The following MEX3B variants were observed in gnomAD, a reference collection of about 807,000 sequenced individuals.
The protein encoded by MEX3B is RNA-binding protein MEX3B.
In MEX3B, 10 loss-of-function variants were observed where a neutral mutation model predicts 12.2. That is an observed-to-expected ratio of 0.82 (90% CI 0.51 to 1.40). MEX3B has a LOEUF of 1.40. MEX3B is among the 40% of genes most tolerant of loss of function. The probability of loss-of-function intolerance (pLI) is 0.00; values close to 1 mark genes in which losing one functional copy is unlikely to be tolerated. For missense variants in MEX3B, 839 were observed against 801.4 expected (o/e 1.05, Z -0.57); for synonymous variants, 498 against 356.3 (o/e 1.40, Z -4.48).
Position 82,043,116 on chromosome 15 carries a change from C to T in MEX3B, c.*44G>A, listed in dbSNP as rs746291380. The T allele has an allele frequency of 2.1e-6, 3 of 1,427,574 alleles. No homozygotes were observed. The highest frequency in any genetic ancestry group is 2.9e-5 in the African/African-American group (2 of 68,408). The allele number at this position is 1,427,574 out of a possible 1,614,324, so 88.4% of individuals were successfully genotyped here. A position where few individuals can be genotyped will look rare whatever the true frequency, so the allele number is the denominator to read the frequency against. On this transcript the variant is annotated 3_prime_UTR_variant, in exon 2 of 2. Coordinates refer to ENST00000329713, the MANE Select transcript of MEX3B (RefSeq NM_032246.6). ...TGGGGAAAGAGGGTGGGGAGGGGTT[C>T]CCCCTTCCCCCAGCACGGTGCGCAC...
Position 82,044,694 on chromosome 15 carries a change from G to A in MEX3B, c.257-81C>T. ...TCCTGGGGTAACCGCGGGGACCGGGGACAGCCCGCGTCCAGGACAGCGAGA... is the reference window on the plus strand; with the variant it reads ...TCCTGGGGTAACCGCGGGGACCGGGAACAGCCCGCGTCCAGGACAGCGAGA... On this transcript the variant is annotated intron_variant, in intron 1 of 1. Transcript: ENST00000329713. The surrounding 1 kb of genome is among the most constrained non-coding windows in gnomAD (Gnocchi z 5.3). The A allele has an allele frequency of 7.2e-7, 1 of 1,384,788 alleles. No homozygotes were observed. The allele number at this position is 1,384,788 out of a possible 1,614,324, so 85.8% of individuals were successfully genotyped here.
In MEX3B at chr15:82,045,688, G is replaced by A. The variant is rs2141171129; in HGVS notation, c.18C>T (p.Phe6=). Reference sequence around the variant, plus strand: ...CGCTGCCGTTGCGCTCCAGGTCTGCGAACAGCGAGCTGGGCATCGCTCGGC... The same window carrying A: ...CGCTGCCGTTGCGCTCCAGGTCTGCAAACAGCGAGCTGGGCATCGCTCGGC... The part of the protein sequence containing the change: MPSSL[F]ADLERNGSGG... The change falls in exon 1 of 2, where the codon TTC becomes TTT. Residue 6 remains phenylalanine, a synonymous_variant. Coordinates refer to ENST00000329713, the MANE Select transcript of MEX3B (RefSeq NM_032246.6). 1.3e-6 allele frequency: 2 copies of A among 1,528,568 alleles called. No individual in the cohort carries two copies. The highest frequency in any genetic ancestry group is 1.8e-6 in the Non-Finnish European group (2 of 1,141,508). The allele number at this position is 1,528,568 out of a possible 1,614,324, so 94.7% of individuals were successfully genotyped here.
At position 82,042,728 on chromosome 15, in the gene MEX3B, C is replaced by T. The variant is rs187824971; in HGVS notation, c.*432G>A. ...AGGGGAACACACTAAACAGTCCACACATCCCATAGCACTACTATCATCTTC... is the reference window on the plus strand; with the variant it reads ...AGGGGAACACACTAAACAGTCCACATATCCCATAGCACTACTATCATCTTC... On this transcript the variant is annotated 3_prime_UTR_variant, in exon 2 of 2. Coordinates refer to ENST00000329713, the MANE Select transcript of MEX3B (RefSeq NM_032246.6). The T allele has an allele frequency of 6.5e-6, 1 of 154,024 alleles. No homozygotes were observed. The highest frequency in any genetic ancestry group is 1.4e-5 in the Non-Finnish European group (1 of 69,008). The allele number at this position is 154,024 out of a possible 1,614,324, so 9.5% of individuals were successfully genotyped here.
At position 82,044,829 on chromosome 15, in the gene MEX3B, T is replaced by G; in HGVS notation, c.257-216A>C. ...GCGAGGCGCTCGAGGAACAGCCCAT[T>G]GGCTGCCTGGCCCTCCCCCAGTGAC... On this transcript the variant is annotated intron_variant, in intron 1 of 1. Coordinates refer to ENST00000329713, the MANE Select transcript of MEX3B (RefSeq NM_032246.6). The surrounding 1 kb of genome is among the most constrained non-coding windows in gnomAD (Gnocchi z 5.3). The G allele has an allele frequency of 1.7e-6, 1 of 600,566 alleles. No homozygotes were observed. The highest frequency in any genetic ancestry group is 3.0e-6 in the Non-Finnish European group (1 of 338,058). 37.2% of individuals were successfully genotyped at this position (600,566 alleles called of 1,614,324 possible).
Position 82,044,656 on chromosome 15 carries a change from G to C in MEX3B, c.257-43C>G. 2 of 1,597,788 alleles carry C rather than the reference G, an allele frequency of 1.3e-6. No individual in the cohort carries two copies. The highest frequency in any genetic ancestry group is 1.7e-6 in the Non-Finnish European group (2 of 1,166,128). ...GAGGAGGGAGTGGGAGAGAGAGACAGACACGCCCATTATCCTGGGGTAACC... is the reference window on the plus strand; with the variant it reads ...GAGGAGGGAGTGGGAGAGAGAGACACACACGCCCATTATCCTGGGGTAACC... On this transcript the variant is annotated intron_variant, in intron 1 of 1. Coordinates refer to ENST00000329713, the MANE Select transcript of MEX3B (RefSeq NM_032246.6). The surrounding 1 kb of genome is among the most constrained non-coding windows in gnomAD (Gnocchi z 5.3).
At position 82,045,509 on chromosome 15, in the gene MEX3B, A is replaced by C; in HGVS notation, c.197T>G (p.Met66Arg). The C allele has an allele frequency of 6.2e-7, 1 of 1,611,814 alleles. No homozygotes were observed. The highest frequency in any genetic ancestry group is 1.3e-5 in the African/African-American group (1 of 74,584). Residue 66 changes from methionine to arginine, a missense_variant, in exon 1 of 2, where the codon ATG becomes AGG. Physicochemically the swap from Met to Arg is moderately conservative, Grantham distance 91. Around this residue, in one of 3 missense-constraint regions of MEX3B, gnomAD observed 214 missense variants for 223.8 expected, o/e 0.96. Coordinates refer to ENST00000329713, the MANE Select transcript of MEX3B (RefSeq NM_032246.6). Reference sequence around the variant, plus strand: ...ACTGGGTACTGGCACGCACTCGGTCATGTTCACGCTCTTCTTGCGCGGCTC... The same window carrying C: ...ACTGGGTACTGGCACGCACTCGGTCCTGTTCACGCTCTTCTTGCGCGGCTC... ...DSEPRKKSVNMTECVPVPSSE... is the reference protein window; with the variant it reads ...DSEPRKKSVNRTECVPVPSSE...
chr15:82,044,668 A>G lies in MEX3B; in HGVS notation c.257-55T>C, dbSNP rs1596007054. 13 of 1,578,434 alleles carry G rather than the reference A, an allele frequency of 8.2e-6. No individual in the cohort carries two copies. The East Asian group carries it at 1.8e-4, about 22-fold the overall frequency. On this transcript the variant is annotated intron_variant, in intron 1 of 1. Transcript: ENST00000329713. The surrounding 1 kb of genome is among the most constrained non-coding windows in gnomAD (Gnocchi z 5.3). ...GGAGAGAGAGACAGACACGCCCATT[A>G]TCCTGGGGTAACCGCGGGGACCGGG...
At chr15:82,045,181 T>C in intron 1 of MEX3B, 1 of 620,132 alleles carries the variant, frequency 1.6e-6, no homozygotes, top group South Asian at 1.9e-5. Context: ...TAAATTGTCT[T>C]TCTGGAGGTG....
At position 82,044,165 on chromosome 15, in the gene MEX3B, G is replaced by A; in HGVS notation, c.705C>T (p.Leu235=). ...IALRTGGIIE[L]TDENDFHANG... The stretch of plus-strand genomic sequence containing the variant: ...TGGCGTGGAAGTCGTTCTCGTCTGT[G>A]AGCTCAATGATGCCGCCGGTACGCA... Residue 235 remains leucine, a synonymous_variant, in exon 2 of 2, where the codon CTC becomes CTT. Transcript: ENST00000329713. The surrounding 1 kb of genome is among the most constrained non-coding windows in gnomAD (Gnocchi z 5.3). 1 of 1,613,976 alleles carries A rather than the reference G, an allele frequency of 6.2e-7. No individual in the cohort carries two copies. The highest frequency in any genetic ancestry group is 8.5e-7 in the Non-Finnish European group (1 of 1,180,036).
Position 82,044,434 on chromosome 15 carries a change from C to G in MEX3B, c.436G>C (p.Ala146Pro), listed in dbSNP as rs145427369. The G allele has an allele frequency of 6.2e-7, 1 of 1,612,706 alleles. No homozygotes were observed. Reference sequence around the variant, plus strand: ...GGCCCAGGCACCGCGCCGTTGAGTGCCGTGTTCTTATTCCGGGAGGCGCGG... The same window carrying G: ...GGCCCAGGCACCGCGCCGTTGAGTGGCGTGTTCTTATTCCGGGAGGCGCGG... ...MIRASRNKNT[A>P]LNGAVPGPPN... is the part of the protein sequence containing the mutation. The change falls in exon 2 of 2, where the codon GCA becomes CCA. Residue 146 changes from alanine (A) to proline (P), a missense_variant. Transcript: ENST00000329713. The surrounding 1 kb of genome is among the most constrained non-coding windows in gnomAD (Gnocchi z 5.3).
chr15:82,043,089 G>A lies in MEX3B; in HGVS notation c.*71C>T, dbSNP rs1291162106. 17 of 1,344,192 alleles carry A rather than the reference G, an allele frequency of 1.3e-5. No homozygotes were observed. The highest frequency in any genetic ancestry group is 1.5e-5 in the Non-Finnish European group (16 of 1,037,480). The allele number at this position is 1,344,192 out of a possible 1,614,324, so 83.3% of individuals were successfully genotyped here. A position where few individuals can be genotyped will look rare whatever the true frequency, so the allele number is the denominator to read the frequency against. ...GGGGCACCCAGGGAGGCAGGCGAGC[G>A]CTGGGGAAAGAGGGTGGGGAGGGGT... On this transcript the variant is annotated 3_prime_UTR_variant, in exon 2 of 2. Coordinates refer to ENST00000329713, the MANE Select transcript of MEX3B (RefSeq NM_032246.6).
chr15:82,043,656 G>A lies in MEX3B; in HGVS notation c.1214C>T (p.Ser405Phe), dbSNP rs1465986775. The change falls in exon 2 of 2, where the codon TCT becomes TTT. Residue 405 changes from serine to phenylalanine, a missense_variant. Around this residue, in one of 3 missense-constraint regions of MEX3B, gnomAD observed 573 missense variants for 488.9 expected, o/e 1.17. Coordinates refer to ENST00000329713, the MANE Select transcript of MEX3B (RefSeq NM_032246.6). ...SCSSSASSSA[S>F]SSSVVFPGGG... ...CCCGGGGAAGACCACGGAGGAGGAA[G>A]AAGCAGACGAAGATGCAGAAGAAGA... is the stretch of plus-strand genomic sequence containing the variant. The A allele has an allele frequency of 8.1e-6, 13 of 1,611,104 alleles. No individual in the cohort carries two copies. Among genetic ancestry groups the A allele is most frequent in the Non-Finnish European group, 1.0e-5 (12 of 1,178,714 alleles).
intron 1 of MEX3B, chr15:82,045,206 C>A: frequency 1.6e-6 from 1 of 635,204 alleles, no homozygotes; most frequent in South Asian, 1.8e-5. Flanking sequence ...GGTTGGGGGG[C>A]GTTAGGGGAG....
Position 82,042,349 on chromosome 15 carries a change from T to A in MEX3B, c.*811A>T, listed in dbSNP as rs2073224672. On this transcript the variant is annotated 3_prime_UTR_variant, in exon 2 of 2. Coordinates refer to ENST00000329713, the MANE Select transcript of MEX3B (RefSeq NM_032246.6). ...TTTATGGTTGTAATTCCGTCACAAT[T>A]GTGTGATTATTAAAATAATACAGTG... The A allele has an allele frequency of 6.5e-6, 1 of 152,764 alleles. No individual in the cohort carries two copies. The highest frequency in any genetic ancestry group is 6.5e-5 in the Admixed American group (1 of 15,308). The allele number at this position is 152,764 out of a possible 1,614,324, so 9.5% of individuals were successfully genotyped here.
In MEX3B at chr15:82,043,805, G is replaced by C. The variant is rs749495721; in HGVS notation, c.1065C>G (p.Gly355=). The part of the protein sequence containing the change: ...GGEASVPSPD[G]CPELQPTFDP... ...CAAAAGTGGGCTGCAGCTCGGGGCA[G>C]CCGTCGGGGGATGGCACTGAGGCTT... The change falls in exon 2 of 2, where the codon GGC becomes GGG. Residue 355 remains glycine (G), a synonymous_variant. Transcript: ENST00000329713. The C allele has an allele frequency of 2.5e-6, 4 of 1,586,372 alleles. No individual in the cohort carries two copies. The East Asian group carries it at 8.9e-5, about 35-fold the overall frequency.
rs756140606 is a variant in MEX3B at position 82,043,707 on chromosome 15, G to A, written c.1163C>T (p.Pro388Leu). 2 of 1,595,698 alleles carry A rather than the reference G, an allele frequency of 1.3e-6. No homozygotes were observed. Among genetic ancestry groups the A allele is most frequent in the African/African-American group, 1.3e-5 (1 of 74,362 alleles). Residue 388 changes from proline to leucine, a missense_variant, in exon 2 of 2, where the codon CCT (proline) becomes CTT (leucine). Transcript: ENST00000329713. ...AQFERSPGGGPAAPVSSSCSS... is the reference protein window; with the variant it reads ...AQFERSPGGGLAAPVSSSCSS... ...GCAGGAAGAAGATACCGGAGCTGCA[G>A]GTCCGCCTCCCGGGGACCGCTCGAA...
chr15:82,043,133 G>T lies in MEX3B; in HGVS notation c.*27C>A, dbSNP rs529929492. 2 of 1,498,784 alleles carry T rather than the reference G, an allele frequency of 1.3e-6. No homozygotes were observed. The highest frequency in any genetic ancestry group is 1.8e-6 in the Non-Finnish European group (2 of 1,126,134). The allele number at this position is 1,498,784 out of a possible 1,614,324, so 92.8% of individuals were successfully genotyped here. A position where few individuals can be genotyped will look rare whatever the true frequency, so the allele number is the denominator to read the frequency against. ...GAGGGGTTCCCCCTTCCCCCAGCAC[G>T]GTGCGCACTAGCAGCGCCCGCTGCC... On this transcript the variant is annotated 3_prime_UTR_variant, in exon 2 of 2. Transcript: ENST00000329713.
Position 82,044,672 on chromosome 15 carries a change from T to C in MEX3B, c.257-59A>G. On this transcript the variant is annotated intron_variant, in intron 1 of 1. Coordinates refer to ENST00000329713, the MANE Select transcript of MEX3B (RefSeq NM_032246.6). The surrounding 1 kb of genome is among the most constrained non-coding windows in gnomAD (Gnocchi z 5.3). Reference sequence around the variant, plus strand: ...AGAGAGACAGACACGCCCATTATCCTGGGGTAACCGCGGGGACCGGGGACA... The same window carrying C: ...AGAGAGACAGACACGCCCATTATCCCGGGGTAACCGCGGGGACCGGGGACA... The C allele has an allele frequency of 6.4e-7, 1 of 1,569,438 alleles. No individual in the cohort carries two copies. The highest frequency in any genetic ancestry group is 8.8e-7 in the Non-Finnish European group (1 of 1,142,612).
In MEX3B at chr15:82,043,776, G is replaced by A. The variant is rs1191494835; in HGVS notation, c.1094C>T (p.Pro365Leu). 1.3e-6 allele frequency: 2 copies of A among 1,573,884 alleles called. No homozygotes were observed. The highest frequency in any genetic ancestry group is 8.6e-7 in the Non-Finnish European group (1 of 1,161,152). Residue 365 changes from proline (P) to leucine (L), a missense_variant, in exon 2 of 2, where the codon CCG becomes CTG. This residue lies in a region of MEX3B where 573 missense variants were observed against 488.9 expected (regional missense o/e 1.17). Coordinates refer to ENST00000329713, the MANE Select transcript of MEX3B (RefSeq NM_032246.6). ...TGCCCCAGGTGGGGGAGCGGGAGCC[G>A]GGTCAAAAGTGGGCTGCAGCTCGGG... is the stretch of plus-strand genomic sequence containing the variant. ...GCPELQPTFD[P>L]APAPPPGAPL...
Sources: gnomAD v4.1 joint callset for allele counts on GRCh38, gnomAD v4.1.1 for gene constraint, gnomAD v4.1.1 regional missense constraint, Gnocchi (gnomAD v3.1) non-coding constraint, MANE v1.5 for transcripts, NCBI Gene and HGNC (gene_info 2026-07-23, HGNC 2026-07-21) for gene names.